CAGE1: variants seen among roughly 807,000 people sequenced by gnomAD.
CAGE1 encodes the protein cancer antigen 1.
In CAGE1, 66 loss-of-function variants were observed where a neutral mutation model predicts 94.9. The ratio of observed to expected loss-of-function variants is 0.70; its 90% CI spans 0.57 to 0.85. The LOEUF (loss-of-function observed/expected upper bound fraction) is 0.85. Ranked by LOEUF, CAGE1 falls within the 40% of genes least tolerant of loss-of-function variation. The pLI, the probability that CAGE1 is intolerant of heterozygous loss-of-function variation, is 0.00. For synonymous variants in CAGE1, 319 were observed against 321.0 expected (o/e 0.99, Z 0.07); for missense variants, 865 against 950.4 (o/e 0.91, Z 1.18).
chr6:7,334,758 A>T (rs1758893656), intron 11 of CAGE1, among the ~76,000 whole-genome samples: 1 of 151,598 alleles, frequency 6.6e-6, no homozygotes, highest in South Asian at 2.1e-4. Context: ...GAAAGAAAAT[A>T]AAAGAAAAAA....
At chr6:7,379,958 A>T (rs1255896526) in intron 3 of CAGE1, among the ~76,000 whole-genome samples, 1 of 152,174 alleles carries the variant, frequency 6.6e-6, no homozygotes, top group Admixed American at 6.6e-5. Context: ...CTAAAAGAAA[A>T]ATATAATATT....
chr6:7,378,457 A>G (rs1003591259), intron 4 of CAGE1, among the ~76,000 whole-genome samples, 160 bp downstream of exon 4: 9 of 152,060 alleles, frequency 5.9e-5, no homozygotes, highest in African/African-American at 2.2e-4. Flanking sequence ...CAGATTATAT[A>G]TATATATATA....
At chr6:7,345,908 G>A (rs964103406) in intron 11 of CAGE1, among the ~76,000 whole-genome samples, 1 of 152,056 alleles carries the variant, frequency 6.6e-6, no homozygotes, top group African/African-American at 2.4e-5. Flanking sequence ...CTGGGTGACA[G>A]AACGAGAGTC....
At position 7,373,286 on chromosome 6, in the gene CAGE1, T is replaced by A; in HGVS notation, c.1533A>T (p.Lys511Asn). 6.2e-7 allele frequency: 1 copy of A among 1,604,254 alleles called. No individual in the cohort carries two copies. Among genetic ancestry groups the A allele is most frequent in the Non-Finnish European group, 8.5e-7 (1 of 1,174,568 alleles). ...GCAAATTTCTAACTTGAGTGAGCAA[T>A]TTCTCAAGTCTAGATTTCAGTTTCT... Reference protein sequence around the residue: ...ERQKLKSRLEKLLTQVRNLQF... With the variant: ...ERQKLKSRLENLLTQVRNLQF... Residue 511 changes from lysine (K) to asparagine (N), a missense_variant, in exon 5 of 14, where the codon AAA becomes AAT. By Grantham distance (94) the Lys-to-Asn change is moderately conservative (BLOSUM62 0). Coordinates refer to ENST00000502583, the MANE Select transcript of CAGE1 (RefSeq NM_001170692.2).
At chr6:7,331,425 C>T (rs1258409075) in intron 12 of CAGE1, 1 of 573,482 alleles carries the variant, frequency 1.7e-6, no homozygotes, top group Non-Finnish European at 2.9e-6. Context: ...GATAAGGCTA[C>T]CAAAGACTGT....
Position 7,373,262 on chromosome 6 carries a change from CA to C in CAGE1, c.1556del (p.Leu519CysfsTer13), listed in dbSNP as rs1760613486. 4 of 1,602,956 alleles carry C rather than the reference CA, an allele frequency of 2.5e-6. No homozygotes were observed. The highest frequency in any genetic ancestry group is 1.3e-5 in the African/African-American group (1 of 74,782). On this transcript the variant is annotated frameshift_variant, in exon 5 of 14. Coordinates refer to ENST00000502583, the MANE Select transcript of CAGE1 (RefSeq NM_001170692.2). LOFTEE classifies it high-confidence loss of function. ...TTCTTTCATTTTCAGACATAAATTG[CA>C]AATTTCTAACTTGAGTGAGCAATTT... is the stretch of plus-strand genomic sequence containing the variant. Reference protein sequence around the residue: ...LEKLLTQVRNLQFMSENERTK... With the variant: ...LEKLLTQVRNXQFMSENERTK...
At chr6:7,372,364 C>T (rs544507658) in intron 5 of CAGE1, among the ~76,000 whole-genome samples, 9 of 151,064 alleles carry the variant, frequency 6.0e-5, no homozygotes, top group South Asian at 2.1e-4. Context: ...CCAGTTACTC[C>T]GGAGGCTGAG....
intron 11 of CAGE1, among the ~76,000 whole-genome samples, chr6:7,348,921 G>A (rs917878208): frequency 2.0e-5 from 3 of 152,106 alleles, no homozygotes; most frequent in Non-Finnish European, 4.4e-5. Context: ...TATGTTAAAC[G>A]ACCAAACCTG....
At chr6:7,384,447 A>T (rs983762331) in intron 3 of CAGE1, among the ~76,000 whole-genome samples, 6 of 152,194 alleles carry the variant, frequency 3.9e-5, no homozygotes, top group Non-Finnish European at 7.4e-5. Flanking sequence ...ATTTGTATAC[A>T]GCATTTAGAT....
intron 7 of CAGE1, among the ~76,000 whole-genome samples, chr6:7,366,957 T>G (rs1325781892): frequency 6.6e-6 from 1 of 152,170 alleles, no homozygotes; most frequent in East Asian, 1.9e-4. Flanking sequence ...ATTTATTCCT[T>G]CAGTATAATA....
At chr6:7,377,724 G>A (rs534096981) in intron 4 of CAGE1, among the ~76,000 whole-genome samples, 1 of 152,258 alleles carries the variant, frequency 6.6e-6, no homozygotes, top group South Asian at 2.1e-4. Context: ...GCAACAGAGT[G>A]AGACTCCGTA....
intron 11 of CAGE1, chr6:7,347,513 G>GC (rs1427478931): frequency 1.7e-5 from 2 of 116,040 alleles, no homozygotes; most frequent in Non-Finnish European, 3.7e-5. Context: ...TGGGGGGGGG[G>GC]GTTGGGGGGG....
At position 7,373,129 on chromosome 6, in the gene CAGE1, CA is replaced by C; in HGVS notation, c.1689del (p.Phe563LeufsTer6). ...RSEEQNYVPK[F>X]ETAQLKDQLE... ...AATTGATCCTTTAACTGAGCTGTCT[CA>C]AATTTAGGGACATAATTTTGCTCTT... On this transcript the variant is annotated frameshift_variant, in exon 5 of 14. Coordinates refer to ENST00000502583, the MANE Select transcript of CAGE1 (RefSeq NM_001170692.2). LOFTEE classifies it high-confidence loss of function. 1 of 1,613,092 alleles carries C rather than the reference CA, an allele frequency of 6.2e-7. No homozygotes were observed. Among genetic ancestry groups the C allele is most frequent in the South Asian group, 1.1e-5 (1 of 90,862 alleles).
intron 9 of CAGE1, among the ~76,000 whole-genome samples, chr6:7,358,860 G>A (rs141860641): frequency 1.6e-3 from 240 of 152,216 alleles, no homozygotes; most frequent in African/African-American, 5.6e-3. Flanking sequence ...AATAATGGTA[G>A]GTGTGTGTTT....
intron 11 of CAGE1, among the ~76,000 whole-genome samples, chr6:7,342,639 T>G (rs1232079704): frequency 6.6e-6 from 1 of 152,266 alleles, no homozygotes; most frequent in Non-Finnish European, 1.5e-5. Flanking sequence ...GGAACTGCTC[T>G]GCCACCCTTC....
chr6:7,355,228 G>T, intron 10 of CAGE1, 117 bp from the exon 11 acceptor site: 1 of 601,724 alleles, frequency 1.7e-6, no homozygotes, highest in Non-Finnish European at 2.9e-6. Context: ...TTCATAATAG[G>T]CAAAACACTT....
At chr6:7,372,918 T>A (rs1760591917) in intron 5 of CAGE1, among the ~76,000 whole-genome samples, 155 bp downstream of exon 5, 1 of 152,160 alleles carries the variant, frequency 6.6e-6, no homozygotes, top group Admixed American at 6.5e-5. Flanking sequence ...CCTCAAGAGA[T>A]CCTCCTGCCT....
chr6:7,352,566 A>G (rs1167647034), intron 11 of CAGE1, among the ~76,000 whole-genome samples: 1 of 152,218 alleles, frequency 6.6e-6, no homozygotes, highest in Admixed American at 6.5e-5. Flanking sequence ...TATGGAATCA[A>G]AAGAGAGCCT....
intron 4 of CAGE1, among the ~76,000 whole-genome samples, chr6:7,375,058 C>G (rs1760686682): frequency 1.4e-5 from 2 of 147,074 alleles, no homozygotes; most frequent in South Asian, 4.4e-4. Flanking sequence ...ATAAAATAAA[C>G]AAATAAAAAT....
Sources: gnomAD v4.1 joint callset for allele counts (sites outside exome capture counted in the v4.1 genomes callset) on GRCh38, gnomAD v4.1.1 for gene constraint, MANE v1.5 for transcripts, NCBI Gene and HGNC (gene_info 2026-07-23, HGNC 2026-07-21) for gene names.